ZNF124: variants seen among roughly 807,000 people sequenced by gnomAD.
ZNF124 encodes the protein zinc finger protein HZF-16.
A neutral mutation model predicts 26.6 loss-of-function variants in ZNF124; 25 were observed. That is an observed-to-expected ratio of 0.94 (90% CI 0.68 to 1.31). ZNF124 has a LOEUF of 1.31. ZNF124 is among the 40% of genes most tolerant of loss of function. ZNF124 has a pLI of 0.00. For synonymous variants in ZNF124, 129 were observed against 133.3 expected (o/e 0.97, Z 0.22); for missense variants, 444 against 422.2 (o/e 1.05, Z -0.45).
At chr1:247,125,659 T>C (rs924637159) in intron 3 of ZNF124, among the ~76,000 whole-genome samples, 1 of 94,978 alleles carries the variant, frequency 1.1e-5, no homozygotes, top group Non-Finnish European at 2.3e-5. Flanking sequence ...CTCCAACTCC[T>C]GACCTCGTGA....
chr1:247,168,601 A>G lies in ZNF124; in HGVS notation c.30+3247T>C, dbSNP rs528092978. 2.2e-4 allele frequency among the ~76,000 whole-genome samples: 33 copies of G among 152,350 alleles called. No individual in the cohort carries two copies. In the South Asian group the frequency reaches 6.4e-3, roughly 30 times the overall value. ...AACAGTAGCACAATTTGCCACTGCA[A>G]AAATATGAAACAAACCTAAAATGCC... On this transcript the variant is annotated intron_variant, in intron 1 of 3. Transcript: ENST00000543802. The surrounding 1 kb of genome is among the most constrained non-coding windows in gnomAD (Gnocchi z 4.0).
intron 3 of ZNF124, among the ~76,000 whole-genome samples, chr1:247,147,228 CTTT>C (rs549013458): frequency 6.3e-5 from 8 of 127,324 alleles, no homozygotes; most frequent in Admixed American, 2.4e-4. Flanking sequence ...ATTGGCTTAA[CTTT>C]TTTTTTTTTT....
chr1:247,125,083 A>C (rs1223742151), intron 3 of ZNF124, among the ~76,000 whole-genome samples: 1 of 152,038 alleles, frequency 6.6e-6, no homozygotes, highest in African/African-American at 2.4e-5. Context: ...GATTACAGGC[A>C]TGAGCCACAG....
At chr1:247,139,435 C>G (rs998198409) in intron 3 of ZNF124, among the ~76,000 whole-genome samples, 4 of 152,244 alleles carry the variant, frequency 2.6e-5, no homozygotes, top group Admixed American at 2.6e-4. Context: ...ACCATCAGGT[C>G]TTGCCTTCTT....
In ZNF124 at chr1:247,156,484, C is replaced by G; in HGVS notation, c.*82G>C. 7.3e-7 allele frequency: 1 copy of G among 1,367,316 alleles called. No individual in the cohort carries two copies. Among genetic ancestry groups the G allele is most frequent in the Non-Finnish European group, 9.5e-7 (1 of 1,055,574 alleles). The allele number at this position is 1,367,316 out of a possible 1,614,324, so 84.7% of individuals were successfully genotyped here. On this transcript the variant is annotated 3_prime_UTR_variant, in exon 4 of 4. Transcript: ENST00000543802. ...TGAGGAAATCTGGGAAAATTAAGTA[C>G]TTTCCTACACCTTACATTCACAGTT...
chr1:247,154,045 C>T (rs1377273372), downstream of ZNF124, among the ~76,000 whole-genome samples: 1 of 152,176 alleles, frequency 6.6e-6, no homozygotes, highest in Non-Finnish European at 1.5e-5. Flanking sequence ...ACACAACAAT[C>T]ACTTGTCAGG....
rs766909729 is a variant in ZNF124, at chr1:247,156,679, C to T, written c.943G>A (p.Glu315Lys). 1.9e-6 allele frequency: 3 copies of T among 1,613,474 alleles called. No homozygotes were observed. The African/African-American group carries it at 4.0e-5, about 22-fold the overall frequency. ...CATTTCTGACATTCATAGGGTTTCT[C>T]TCCAGTATGAGTCCTTTCATGGTCA... ...LRDHERTHTGEKPYECQKCGK... is the reference protein window; with the variant it reads ...LRDHERTHTGKKPYECQKCGK... Residue 315 changes from glutamate to lysine, a missense_variant, in exon 4 of 4, where the codon GAG (glutamate) becomes AAG (lysine). Physicochemically the swap from Glu to Lys is moderately conservative, Grantham distance 56. Transcript: ENST00000543802.
chr1:247,162,627 A>G (rs961841371), intron 1 of ZNF124, among the ~76,000 whole-genome samples: 2 of 151,238 alleles, frequency 1.3e-5, no homozygotes, highest in Admixed American at 6.6e-5. Context: ...GCAAAAAAAA[A>G]AAAAAAAGCA....
At chr1:247,130,309 C>G (rs912881046) in intron 3 of ZNF124, among the ~76,000 whole-genome samples, 1 of 152,028 alleles carries the variant, frequency 6.6e-6, no homozygotes, top group African/African-American at 2.4e-5. Flanking sequence ...CAGGTTTGTT[C>G]TTTTCTGGGG....
chr1:247,131,988 G>A (rs779769745), intron 3 of ZNF124, among the ~76,000 whole-genome samples: 6 of 152,198 alleles, frequency 3.9e-5, no homozygotes, highest in South Asian at 2.1e-4. Flanking sequence ...CCCTCCAACA[G>A]GGGTTGTCAG....
At position 247,155,743 on chromosome 1, in the gene ZNF124, C is replaced by T. The variant is rs1384480536; in HGVS notation, c.*823G>A. 7 of 191,962 alleles carry T rather than the reference C, an allele frequency of 3.6e-5. No homozygotes were observed. The highest frequency in any genetic ancestry group is 5.7e-5 in the Non-Finnish European group (6 of 104,644). 11.9% of individuals were successfully genotyped at this position (191,962 alleles called of 1,614,324 possible). ...GGGCATGGTGGCAGGCACCTGTAGT[C>T]CCAGCTACTCAGGAGGCTGAGGCAG... On this transcript the variant is annotated 3_prime_UTR_variant, in exon 4 of 4. Coordinates refer to ENST00000543802, the MANE Select transcript of ZNF124 (RefSeq NM_001297568.2).
intron 3 of ZNF124, among the ~76,000 whole-genome samples, chr1:247,143,212 A>C (rs990534326): frequency 2.0e-5 from 3 of 152,190 alleles, no homozygotes; most frequent in African/African-American, 7.2e-5. Context: ...AAACCAGGAC[A>C]TGCCTTCAAG....
In ZNF124 at chr1:247,159,976, GTTC is replaced by G. The variant is rs1371857087; in HGVS notation, c.31-166_31-164del. On this transcript the variant is annotated intron_variant, in intron 1 of 3. Transcript: ENST00000543802. ...TACACTTCCTTTCTCCCACATAGCAGTTCTTTTTTTTTTTTTTTTTTTTTTTTT... is the reference window on the plus strand; with the variant it reads ...TACACTTCCTTTCTCCCACATAGCAGTTTTTTTTTTTTTTTTTTTTTTTTT... 2.2e-3 allele frequency: 550 copies of G among 247,052 alleles called. 7 individuals carry two copies. Among genetic ancestry groups the G allele is most frequent in the Non-Finnish European group, 3.0e-3 (444 of 148,796 alleles). The allele number at this position is 247,052 out of a possible 1,614,324, so 15.3% of individuals were successfully genotyped here.
Position 247,159,063 on chromosome 1 carries a change from T to C in ZNF124, c.161A>G (p.Asn54Ser). The change falls in exon 3 of 4, where the codon AAC (asparagine) becomes AGC (serine). Residue 54 changes from asparagine to serine, a missense_variant. Transcript: ENST00000543802. ...TTCAATGCTCTGGTCTTCCCCTTTG[T>C]TTCCTAAAATGTAGACCCAGAAATA... is the stretch of plus-strand genomic sequence containing the variant. ...ETFRNLASIG[N>S]KGEDQSIEDQ... The C allele has an allele frequency of 1.9e-6, 3 of 1,611,138 alleles. No individual in the cohort carries two copies. The highest frequency in any genetic ancestry group is 2.2e-5 in the East Asian group (1 of 44,874).
chr1:247,124,607 C>T (rs148247399), intron 3 of ZNF124, among the ~76,000 whole-genome samples: 154 of 152,260 alleles, frequency 1.0e-3, no homozygotes, highest in African/African-American at 3.5e-3. Context: ...GCAGCCAACT[C>T]CTTTCCCCCC....
At chr1:247,154,962 A>G (rs181121805), downstream of ZNF124, among the ~76,000 whole-genome samples, 248 of 152,366 alleles carry the variant, frequency 1.6e-3, 1 homozygote, top group Admixed American at 3.8e-3. Context: ...TGAAATATTC[A>G]ATAATAATGA....
chr1:247,151,151 C>G (rs1056667654), downstream of ZNF124, among the ~76,000 whole-genome samples: 3 of 152,104 alleles, frequency 2.0e-5, no homozygotes, highest in African/African-American at 7.2e-5. Context: ...GACCATCACA[C>G]AGCAACCAGA....
chr1:247,130,390 C>A (rs1300838160), intron 3 of ZNF124, among the ~76,000 whole-genome samples: 3 of 152,130 alleles, frequency 2.0e-5, no homozygotes, highest in African/African-American at 4.8e-5. Context: ...CACTGTCTTC[C>A]ATTATGGCTG....
At position 247,159,774 on chromosome 1, in the gene ZNF124, G is replaced by A. The variant is rs755051663; in HGVS notation, c.70C>T (p.Gln24Ter). ...AFEDVAVNFT[Q>*]EEWALLDPSQ... ...GGATCCAACAAAGCCCACTCCTCCT[G>A]GGTGAAGTTCACAGCCACATCCTCA... Residue 24 changes from glutamine (Q) to a stop codon, truncating the protein, a stop_gained, in exon 2 of 4, where the codon CAG becomes TAG. Coordinates refer to ENST00000543802, the MANE Select transcript of ZNF124 (RefSeq NM_001297568.2). LOFTEE classifies it high-confidence loss of function. 2.2e-5 allele frequency: 36 copies of A among 1,613,604 alleles called. No homozygotes were observed. The highest frequency in any genetic ancestry group is 2.8e-5 in the Non-Finnish European group (33 of 1,179,902).
Sources: gnomAD v4.1 joint callset for allele counts (sites outside exome capture counted in the v4.1 genomes callset) on GRCh38, gnomAD v4.1.1 for gene constraint, Gnocchi (gnomAD v3.1) non-coding constraint, MANE v1.5 for transcripts, NCBI Gene and HGNC (gene_info 2026-07-23, HGNC 2026-07-21) for gene names.